SLC6A17: variants seen among roughly 807,000 people sequenced by gnomAD.
SLC6A17 encodes the protein sodium-dependent neutral amino acid transporter SLC6A17.
In SLC6A17, 21 loss-of-function variants were observed where a neutral mutation model predicts 64.5. That is an observed-to-expected ratio of 0.33 (90% CI 0.23 to 0.47). SLC6A17 has a LOEUF of 0.47. Among genes scored for constraint, SLC6A17 ranks in the 20% least tolerant of loss-of-function variants. SLC6A17 has a pLI of 1.00. For missense variants in SLC6A17, 682 were observed against 963.2 expected (o/e 0.71, Z 3.86); for synonymous variants, 372 against 399.5 (o/e 0.93, Z 0.82).
chr1:110,151,094 G>A (rs1237348341), intron 1 of SLC6A17, among the ~76,000 whole-genome samples: 1 of 152,212 alleles, frequency 6.6e-6, no homozygotes, highest in Non-Finnish European at 1.5e-5. Context: ...GCTCTCCTTC[G>A]CGCATCGGGG....
At chr1:110,178,547 C>T (rs1483081796) in intron 6 of SLC6A17, 1 of 152,304 alleles carries the variant, frequency 6.6e-6, no homozygotes, top group African/African-American at 2.4e-5. Context: ...AAGATAGCAA[C>T]TGTCTTATTC....
At chr1:110,159,978 A>G (rs2101838771) in intron 1 of SLC6A17, among the ~76,000 whole-genome samples, 1 of 152,368 alleles carries the variant, frequency 6.6e-6, no homozygotes, top group Admixed American at 6.5e-5. Context: ...GATGGTGTCA[A>G]TTGAGGTATG....
chr1:110,165,800 G>A (rs1011006414), intron 1 of SLC6A17, among the ~76,000 whole-genome samples: 15 of 152,318 alleles, frequency 9.8e-5, no homozygotes, highest in African/African-American at 3.6e-4. Context: ...CCTTAATAAA[G>A]TAATTACAGA....
chr1:110,159,270 TG>T (rs567880482), intron 1 of SLC6A17, among the ~76,000 whole-genome samples: 3 of 152,050 alleles, frequency 2.0e-5, no homozygotes, highest in Non-Finnish European at 4.4e-5. Context: ...ATGCATGGGT[TG>T]GGGGGGTGCT....
chr1:110,197,341 TG>T, intron 10 of SLC6A17, 95 bp from the exon 11 acceptor site: 1 of 1,485,248 alleles, frequency 6.7e-7, no homozygotes, highest in African/African-American at 1.4e-5. Flanking sequence ...AGGGAGGGAC[TG>T]GGAAACGAAG....
rs74117551 is a variant in SLC6A17 at position 110,195,835 on chromosome 1, C to A, written c.1652+90C>A. 1.7e-3 allele frequency: 2,582 copies of A among 1,553,436 alleles called. 41 individuals carry two copies. The African/African-American group carries it at 0.03, about 18-fold the overall frequency. ...GAGGCAGATCATAGAGTCACAATGG[C>A]AGAGCTGAAAGTGCCCTTACGGATC... On this transcript the variant is annotated intron_variant, in intron 10 of 11. Transcript: ENST00000331565.
chr1:110,184,272 G>A (rs1399560429), intron 6 of SLC6A17, among the ~76,000 whole-genome samples: 3 of 151,950 alleles, frequency 2.0e-5, no homozygotes, highest in South Asian at 2.1e-4. Context: ...CACAATGCCC[G>A]GCTAATTTTT....
At position 110,197,462 on chromosome 1, in the gene SLC6A17, C is replaced by G. The variant is rs1439473866; in HGVS notation, c.1678C>G (p.Leu560Val). The G allele has an allele frequency of 2.5e-6, 4 of 1,613,008 alleles. No individual in the cohort carries two copies. In the Admixed American group the frequency reaches 5.0e-5, roughly 20 times the overall value. Residue 560 changes from leucine (L) to valine (V), a missense_variant, in exon 11 of 12, where the codon CTG (leucine) becomes GTG (valine). Leu to Val is a conservative substitution (Grantham distance 32). Coordinates refer to ENST00000331565, the MANE Select transcript of SLC6A17 (RefSeq NM_001010898.4). ...GTTCATGCAGGAGCTGACGGAGATG[C>G]TGGGCTTCCGCCCCTACCGCTTCTA... Reference protein sequence around the residue: ...KKFMQELTEMLGFRPYRFYFY... With the variant: ...KKFMQELTEMVGFRPYRFYFY...
intron 5 of SLC6A17, 123 bp downstream of exon 5, chr1:110,175,083 A>G (rs1656339478): frequency 2.4e-6 from 3 of 1,228,492 alleles, no homozygotes; most frequent in Non-Finnish European, 3.3e-6. Flanking sequence ...ACAGGCCCCC[A>G]GAGGAGGGTG....
chr1:110,151,861 T>C (rs1655618082), intron 1 of SLC6A17, among the ~76,000 whole-genome samples: 1 of 152,050 alleles, frequency 6.6e-6, no homozygotes, highest in Non-Finnish European at 1.5e-5. Flanking sequence ...GAGCTACCTT[T>C]GGGCAATTCA....
At position 110,150,746 on chromosome 1, in the gene SLC6A17, C is replaced by G. The variant is rs1190804455; in HGVS notation, c.-225C>G. ...GCGAGCGGAGTCGCGTGCGCCGGCGCGCAGCTCCGGGTCGCCCCAGCCCCA... is the reference window on the plus strand; with the variant it reads ...GCGAGCGGAGTCGCGTGCGCCGGCGGGCAGCTCCGGGTCGCCCCAGCCCCA... On this transcript the variant is annotated 5_prime_UTR_variant, in exon 1 of 12. Coordinates refer to ENST00000331565, the MANE Select transcript of SLC6A17 (RefSeq NM_001010898.4). The G allele has an allele frequency of 2.0e-5, 3 of 152,174 alleles. No individual in the cohort carries two copies. Among genetic ancestry groups the G allele is most frequent in the Non-Finnish European group, 2.9e-5 (2 of 68,034 alleles). The allele number at this position is 152,174 out of a possible 1,614,324, so 9.4% of individuals were successfully genotyped here. A position where few individuals can be genotyped will look rare whatever the true frequency, so the allele number is the denominator to read the frequency against.
At chr1:110,176,542 C>T in intron 5 of SLC6A17, 87 bp from the exon 6 acceptor site, 10 of 1,283,312 alleles carry the variant, frequency 7.8e-6, no homozygotes, top group Non-Finnish European at 1.1e-5. Context: ...TCAGGGGCGG[C>T]TCATGTGCCC....
At chr1:110,161,152 T>C (rs952300046) in intron 1 of SLC6A17, among the ~76,000 whole-genome samples, 2 of 152,172 alleles carry the variant, frequency 1.3e-5, no homozygotes, top group Admixed American at 6.5e-5. Flanking sequence ...CAGGTGACTG[T>C]CAGAGGTTTT....
At chr1:110,186,231 T>C (rs774271833) in intron 6 of SLC6A17, among the ~76,000 whole-genome samples, 1 of 152,108 alleles carries the variant, frequency 6.6e-6, no homozygotes, top group Non-Finnish European at 1.5e-5. Flanking sequence ...CAGTTTGGGA[T>C]TGTGGTATCC....
intron 1 of SLC6A17, among the ~76,000 whole-genome samples, chr1:110,161,058 G>T (rs893737693): frequency 6.6e-6 from 1 of 152,170 alleles, no homozygotes; most frequent in Admixed American, 6.5e-5. Context: ...AGGGTGTGGG[G>T]TCCCTGCCTG....
At chr1:110,191,080 T>C (rs911778340) in intron 6 of SLC6A17, among the ~76,000 whole-genome samples, 3 of 152,234 alleles carry the variant, frequency 2.0e-5, no homozygotes, top group African/African-American at 7.2e-5. Flanking sequence ...TGCTATACAT[T>C]TGATCCTCAC....
chr1:110,193,985 C>A (rs911654220), intron 8 of SLC6A17, among the ~76,000 whole-genome samples: 2 of 152,172 alleles, frequency 1.3e-5, no homozygotes, highest in Admixed American at 1.3e-4. Flanking sequence ...AAGCATGGCC[C>A]AAGCATTAAA....
intron 2 of SLC6A17, among the ~76,000 whole-genome samples, chr1:110,170,266 C>T (rs1336821466): frequency 6.6e-6 from 1 of 152,024 alleles, no homozygotes; most frequent in African/African-American, 2.4e-5. Context: ...GGGCGGATCA[C>T]GAGGTCAGGA....
rs141355568 is a variant in SLC6A17, at chr1:110,192,572, C to T, written c.1173C>T (p.His391=). 8.0e-5 allele frequency: 129 copies of T among 1,614,194 alleles called. 2 individuals carry two copies. The African/African-American group carries it at 1.2e-3, about 15-fold the overall frequency. ...TGAGCCGGGACCTCATCCCACCCCA[C>T]GTCAACTTCTCCCACCTGACCACAA... ...NVLSRDLIPP[H]VNFSHLTTKD... The change falls in exon 8 of 12, where the codon CAC becomes CAT. Residue 391 remains histidine (H), a synonymous_variant. Transcript: ENST00000331565. The surrounding 1 kb of genome is among the most constrained non-coding windows in gnomAD (Gnocchi z 4.3).
Sources: allele counts gnomAD v4.1 joint callset (sites outside exome capture counted in the v4.1 genomes callset), GRCh38; gene constraint gnomAD v4.1.1; non-coding constraint Gnocchi (gnomAD v3.1); transcripts MANE v1.5; gene names NCBI Gene and HGNC (gene_info 2026-07-23, HGNC 2026-07-21).